The following AFAP1 variants were observed in gnomAD, a reference collection of about 807,000 sequenced individuals.
AFAP1 encodes the protein actin filament-associated protein 1.
A neutral mutation model predicts 93.9 loss-of-function variants in AFAP1; 75 were observed. That is an observed-to-expected ratio of 0.80 (90% confidence interval 0.66 to 0.97). The LOEUF (loss-of-function observed/expected upper bound fraction) is 0.97, where lower values mean the gene tolerates loss of function less well. Among genes scored for constraint, AFAP1 ranks in the 50% least tolerant of loss-of-function variants. The pLI is 0.00. For missense variants in AFAP1, 1,201 were observed against 1,050.8 expected (o/e 1.14, Z -1.98); for synonymous variants, 517 against 430.7 (o/e 1.20, Z -2.48).
chr4:7,934,736 A>T (rs1251030402), intron 1 of AFAP1, among the ~76,000 whole-genome samples: 1 of 152,156 alleles, frequency 6.6e-6, no homozygotes, highest in Non-Finnish European at 1.5e-5. Flanking sequence ...GCTGGATTTC[A>T]AATGTCAAAA....
intron 1 of AFAP1, among the ~76,000 whole-genome samples, chr4:7,927,170 G>A (rs1444731667): frequency 6.6e-6 from 1 of 152,210 alleles, no homozygotes; most frequent in African/African-American, 2.4e-5. Flanking sequence ...CAAGACTTGT[G>A]TTCTTAAAGG....
chr4:7,868,973 G>T (rs1464655868), intron 2 of AFAP1, among the ~76,000 whole-genome samples: 1 of 92,654 alleles, frequency 1.1e-5, no homozygotes, highest in African/African-American at 4.2e-5. Flanking sequence ...AAAGAGAAAA[G>T]AAAAAAGAAA....
Position 7,765,095 on chromosome 4 carries a change from C to A in AFAP1, c.2419-1304G>T, listed in dbSNP as rs977913882. 2.0e-5 allele frequency among the ~76,000 whole-genome samples: 3 copies of A among 149,958 alleles called. 1 individual carries two copies. Among genetic ancestry groups the A allele is most frequent in the East Asian group, 3.9e-4 (2 of 5,188 alleles). On this transcript the variant is annotated intron_variant, in intron 17 of 17. Coordinates refer to ENST00000420658, the MANE Select transcript of AFAP1 (RefSeq NM_001134647.2). ...CTCGAGCGTGGTCAACAGAGCAAGA[C>A]CCTGTCTCAATCAATCAATCAATCG...
At chr4:7,846,299 G>A (rs763459882) in intron 4 of AFAP1, among the ~76,000 whole-genome samples, 1 of 152,174 alleles carries the variant, frequency 6.6e-6, no homozygotes, top group Non-Finnish European at 1.5e-5. Flanking sequence ...GCACTTTCTG[G>A]TAAATGTATT....
At chr4:7,851,355 G>A (rs1038102508) in intron 4 of AFAP1, among the ~76,000 whole-genome samples, 2 of 152,202 alleles carry the variant, frequency 1.3e-5, no homozygotes, top group Non-Finnish European at 2.9e-5. Flanking sequence ...GAGCGAGCAA[G>A]CAGCCCTTAG....
intron 1 of AFAP1, among the ~76,000 whole-genome samples, chr4:7,904,769 C>T (rs920153694): frequency 2.0e-5 from 3 of 152,056 alleles, no homozygotes; most frequent in African/African-American, 7.2e-5. Context: ...TGCAGTGGCG[C>T]GATGATGGTT....
intron 1 of AFAP1, 97 bp from the exon 2 acceptor site, chr4:7,872,177 T>G: frequency 6.8e-7 from 1 of 1,476,404 alleles, no homozygotes; most frequent in Non-Finnish European, 9.2e-7. Context: ...ATGTTTAGCT[T>G]GATCATTGGA....
chr4:7,859,017 C>A (rs1419068649), intron 3 of AFAP1, among the ~76,000 whole-genome samples: 1 of 152,252 alleles, frequency 6.6e-6, no homozygotes, highest in Non-Finnish European at 1.5e-5. Flanking sequence ...AATCACTCAA[C>A]TCTCCGTCAC....
At chr4:7,864,769 G>C (rs1195470461) in intron 3 of AFAP1, among the ~76,000 whole-genome samples, 1 of 152,160 alleles carries the variant, frequency 6.6e-6, no homozygotes, top group East Asian at 1.9e-4. Context: ...AAAAAAATGA[G>C]TGCCAAAGCC....
intron 3 of AFAP1, among the ~76,000 whole-genome samples, chr4:7,862,647 C>T (rs994333494): frequency 6.6e-6 from 1 of 152,180 alleles, no homozygotes; most frequent in African/African-American, 2.4e-5. Context: ...AATCTGCTGG[C>T]ATAAAAAGGC....
At position 7,768,942 on chromosome 4, in the gene AFAP1, C is replaced by T. The variant is rs899336966; in HGVS notation, c.2320G>A (p.Glu774Lys). The change falls in exon 17 of 18, where the codon GAG becomes AAG. Residue 774 changes from glutamate to lysine, a missense_variant. By Grantham distance (56) the Glu-to-Lys change is moderately conservative. Coordinates refer to ENST00000420658, the MANE Select transcript of AFAP1 (RefSeq NM_001134647.2). Reference sequence around the variant, plus strand: ...GCGCTGTTCACCGGCACGGGGCCCTCGGTGTCACTGGTGTCACAGCTGGAG... The same window carrying T: ...GCGCTGTTCACCGGCACGGGGCCCTTGGTGTCACTGGTGTCACAGCTGGAG... ...PISSCDTSDT[E>K]GPVPVNSAAV... 6.2e-6 allele frequency: 10 copies of T among 1,613,916 alleles called. No individual in the cohort carries two copies. The highest frequency in any genetic ancestry group is 2.2e-5 in the East Asian group (1 of 44,878).
chr4:7,811,869 T>A (rs1720076324), intron 8 of AFAP1, among the ~76,000 whole-genome samples: 1 of 152,040 alleles, frequency 6.6e-6, no homozygotes, highest in Admixed American at 6.5e-5. Context: ...AGTCCCAGCA[T>A]TTCTGTGTGA....
intron 1 of AFAP1, among the ~76,000 whole-genome samples, chr4:7,922,440 T>C (rs1720488977): frequency 1.3e-5 from 2 of 151,974 alleles, no homozygotes; most frequent in African/African-American, 4.8e-5. Context: ...TGGAGAAGAT[T>C]TAAGGAGGTA....
chr4:7,784,175 C>A (rs1240293617), intron 12 of AFAP1, among the ~76,000 whole-genome samples: 1 of 152,116 alleles, frequency 6.6e-6, no homozygotes, highest in Admixed American at 6.5e-5. Context: ...CCCAGAGACA[C>A]CCCAGGGAGG....
At position 7,868,876 on chromosome 4, in the gene AFAP1, T is replaced by C. The variant is rs114617425; in HGVS notation, c.128-157A>G. Reference sequence around the variant, plus strand: ...GTCCTGCAAGGTTAGGTATTATTCTTCTCCATTTTACAGGTGAAGAACCGA... The same window carrying C: ...GTCCTGCAAGGTTAGGTATTATTCTCCTCCATTTTACAGGTGAAGAACCGA... On this transcript the variant is annotated intron_variant, in intron 2 of 17. Coordinates refer to ENST00000420658, the MANE Select transcript of AFAP1 (RefSeq NM_001134647.2). Among the ~76,000 whole-genome samples, 882 of 150,254 alleles carry C rather than the reference T, an allele frequency of 5.9e-3. 7 individuals carry two copies. The highest frequency in any genetic ancestry group is 0.019 in the African/African-American group (775 of 40,672).
At chr4:7,922,280 A>C (rs917134873) in intron 1 of AFAP1, among the ~76,000 whole-genome samples, 1 of 152,210 alleles carries the variant, frequency 6.6e-6, no homozygotes, top group Admixed American at 6.5e-5. Flanking sequence ...AAATGGGGGA[A>C]TAATAATACC....
intron 10 of AFAP1, among the ~76,000 whole-genome samples, chr4:7,797,312 T>C (rs1379114394): frequency 6.6e-6 from 1 of 152,098 alleles, no homozygotes; most frequent in Non-Finnish European, 1.5e-5. Flanking sequence ...AGTTACATAG[T>C]TTCAAAGCAT....
chr4:7,922,487 C>T (rs1328006680), intron 1 of AFAP1, among the ~76,000 whole-genome samples: 1 of 152,138 alleles, frequency 6.6e-6, no homozygotes, highest in Non-Finnish European at 1.5e-5. Context: ...GAGATAAGAA[C>T]ATAGGCGAAG....
intron 4 of AFAP1, among the ~76,000 whole-genome samples, chr4:7,850,006 G>A (rs142180050): frequency 2.0e-5 from 3 of 152,154 alleles, no homozygotes; most frequent in South Asian, 4.1e-4. Context: ...GTAAAGGGAC[G>A]AGGAGAGAAG....
Sources: allele counts gnomAD v4.1 joint callset (sites outside exome capture counted in the v4.1 genomes callset), GRCh38; gene constraint gnomAD v4.1.1; transcripts MANE v1.5; gene names NCBI Gene and HGNC (gene_info 2026-07-23, HGNC 2026-07-21).